The following STPG2 variants were observed in gnomAD, a reference collection of about 807,000 sequenced individuals.
The protein encoded by STPG2 is sperm tail PG-rich repeat containing 2.
A neutral mutation model predicts 54.2 loss-of-function variants in STPG2; 56 were observed. That is an observed-to-expected ratio of 1.03 (90% CI 0.83 to 1.29). The LOEUF (loss-of-function observed/expected upper bound fraction) is 1.29. Among genes scored for constraint, STPG2 ranks in the 50% most tolerant of loss-of-function variants. STPG2 has a pLI of 0.00. For missense variants in STPG2, 596 were observed against 544.9 expected, an observed-to-expected ratio of 1.09 and a Z score of -0.93; for synonymous variants, 200 against 181.8, an observed-to-expected ratio of 1.10 and a Z score of -0.81.
At chr4:97,917,260 G>A (rs914042126) in intron 8 of STPG2, 4 of 152,538 alleles carry the variant, frequency 2.6e-5, no homozygotes, top group Non-Finnish European at 5.9e-5. Flanking sequence ...GGCCTGACGG[G>A]GCGGGGGGCC....
At chr4:97,762,344 C>G (rs1242345125) in intron 9 of STPG2, among the ~76,000 whole-genome samples, 2 of 152,110 alleles carry the variant, frequency 1.3e-5, no homozygotes, top group African/African-American at 4.8e-5. Context: ...GTGCTGTTCC[C>G]TAGTGACCAA....
At chr4:97,518,199 C>T (rs889336720) in intron 4 of STPG2, among the ~76,000 whole-genome samples, 1 of 152,036 alleles carries the variant, frequency 6.6e-6, no homozygotes, top group Admixed American at 6.6e-5. Context: ...CAAGACCCTT[C>T]TATGAGACAT....
At chr4:97,580,534 GTCTCTGTC>G (rs1356538767) in intron 10 of STPG2, among the ~76,000 whole-genome samples, 1 of 142,030 alleles carries the variant, frequency 7.0e-6, no homozygotes, top group Admixed American at 6.8e-5. Context: ...CTGTCTCTCT[GTCTCTGTC>G]TCTCTGTCTC....
At chr4:98,029,053 C>A (rs777884753) in intron 5 of STPG2, among the ~76,000 whole-genome samples, 44 of 151,892 alleles carry the variant, frequency 2.9e-4, no homozygotes, top group Non-Finnish European at 5.7e-4. Context: ...AGCATATTTT[C>A]TATTATTTCA....
chr4:97,881,578 A>T (rs1578651371), intron 8 of STPG2, among the ~76,000 whole-genome samples: 1 of 152,290 alleles, frequency 6.6e-6, no homozygotes, highest in East Asian at 1.9e-4. Context: ...GGGAAATGAC[A>T]TAAATAATAT....
At chr4:97,518,010 A>C (rs1176251072) in intron 4 of STPG2, among the ~76,000 whole-genome samples, 2 of 152,266 alleles carry the variant, frequency 1.3e-5, no homozygotes, top group East Asian at 3.9e-4. Flanking sequence ...ACTATATATC[A>C]AGGAGAAAGT....
At chr4:97,990,757 C>A (rs1734976994) in intron 5 of STPG2, among the ~76,000 whole-genome samples, 1 of 152,124 alleles carries the variant, frequency 6.6e-6, no homozygotes, top group Admixed American at 6.6e-5. Flanking sequence ...TTTATGGCAT[C>A]TTTTCATCTG....
At chr4:97,577,623 T>C (rs1732754572) in intron 10 of STPG2, among the ~76,000 whole-genome samples, 1 of 152,090 alleles carries the variant, frequency 6.6e-6, no homozygotes, top group Non-Finnish European at 1.5e-5. Context: ...AACTACCTAT[T>C]GGGTATTATG....
intron 4 of STPG2, among the ~76,000 whole-genome samples, chr4:97,528,814 G>A (rs1378141804): frequency 6.6e-6 from 1 of 152,180 alleles, no homozygotes; most frequent in Non-Finnish European, 1.5e-5. Context: ...TATTATTGGT[G>A]TATAGGAATG....
intron 5 of STPG2, among the ~76,000 whole-genome samples, chr4:98,101,683 AC>A (rs1739041840): frequency 4.6e-5 from 7 of 152,066 alleles, no homozygotes; most frequent in African/African-American, 1.7e-4. Context: ...TTCCCTTATC[AC>A]CTGATCACAA....
intron 4 of STPG2, among the ~76,000 whole-genome samples, chr4:97,471,987 A>G (rs2148815375): frequency 6.6e-6 from 1 of 152,340 alleles, no homozygotes; most frequent in Non-Finnish European, 1.5e-5. Flanking sequence ...AATCATATGA[A>G]GACTGATTTA....
chr4:97,573,712 T>C lies in STPG2; in HGVS notation c.1321-14595A>G, dbSNP rs548097813. On this transcript the variant is annotated intron_variant, in intron 10 of 10. Transcript: ENST00000295268. ...TGTCCTCAATATCTACATATCCACA[T>C]ATATTAATTATCATTTTCTTCATCT... Among the ~76,000 whole-genome samples the C allele has an allele frequency of 7.2e-5, 11 of 152,242 alleles. No homozygotes were observed. The South Asian group carries it at 2.1e-3, about 29-fold the overall frequency.
chr4:97,451,276 A>C (rs889977764), intron 4 of STPG2, among the ~76,000 whole-genome samples: 3 of 152,188 alleles, frequency 2.0e-5, no homozygotes, highest in Non-Finnish European at 2.9e-5. Flanking sequence ...AAAAGTGGTG[A>C]AGTGGACAGA....
chr4:98,125,726 C>G (rs1157283152), intron 3 of STPG2, among the ~76,000 whole-genome samples: 4 of 152,180 alleles, frequency 2.6e-5, no homozygotes, highest in South Asian at 4.1e-4. Context: ...ATGAATCCCC[C>G]TTGTCTAGAC....
intron 5 of STPG2, among the ~76,000 whole-genome samples, chr4:97,984,061 A>G (rs116818605): frequency 0.038 from 1,796 of 47,338 alleles, 30 homozygotes; most frequent in African/African-American, 0.11. Context: ...TTTTTGCTCA[A>G]ACTTGTGATA....
chr4:97,964,779 C>T (rs1734028927), intron 7 of STPG2, among the ~76,000 whole-genome samples: 2 of 152,148 alleles, frequency 1.3e-5, no homozygotes, highest in Non-Finnish European at 2.9e-5. Flanking sequence ...AACTGTACTA[C>T]ACAAAATTCA....
chr4:97,489,158 C>T (rs906465320), intron 4 of STPG2, among the ~76,000 whole-genome samples: 11 of 151,672 alleles, frequency 7.3e-5, no homozygotes, highest in African/African-American at 1.9e-4. Flanking sequence ...CCATGTAAAA[C>T]GTGACTTGAA....
At chr4:97,905,755 A>G (rs1731388394) in intron 8 of STPG2, among the ~76,000 whole-genome samples, 3 of 152,168 alleles carry the variant, frequency 2.0e-5, no homozygotes, top group Non-Finnish European at 2.9e-5. Flanking sequence ...AAAAGGATGG[A>G]GGAAGATCTA....
chr4:97,556,748 T>C (rs1204309651), downstream of STPG2, among the ~76,000 whole-genome samples: 1 of 152,206 alleles, frequency 6.6e-6, no homozygotes, highest in African/African-American at 2.4e-5. Flanking sequence ...TTCTCTCCTA[T>C]ATTTGGAATA....
Sources: gnomAD v4.1 joint callset for allele counts (sites outside exome capture counted in the v4.1 genomes callset) on GRCh38, gnomAD v4.1.1 for gene constraint, MANE v1.5 for transcripts, NCBI Gene and HGNC (gene_info 2026-07-23, HGNC 2026-07-21) for gene names.